SYNC: variants seen among roughly 807,000 people sequenced by gnomAD.
The protein encoded by SYNC is syncoilin, intermediate filament protein, also known as syncoilin.
A neutral mutation model predicts 49.5 loss-of-function variants in SYNC; 38 were observed. That is an observed-to-expected ratio of 0.77 (90% CI 0.59 to 1.01). The LOEUF (loss-of-function observed/expected upper bound fraction) is 1.01. SYNC is among the 50% of genes least tolerant of loss of function. The pLI is 0.00. For synonymous variants in SYNC, 201 were observed against 230.8 expected (o/e 0.87, Z 1.17); for missense variants, 579 against 580.6 (o/e 1.00, Z 0.03).
intron 1 of SYNC, among the ~76,000 whole-genome samples, chr1:32,701,206 C>T (rs1327193595): frequency 1.3e-5 from 2 of 152,260 alleles, no homozygotes; most frequent in East Asian, 1.9e-4. Flanking sequence ...TGAGCCACCG[C>T]GCCGGGCCCA....
intron 4 of SYNC, chr1:32,682,732 C>CT (rs1314611768): frequency 1.3e-5 from 2 of 149,912 alleles, no homozygotes; most frequent in Non-Finnish European, 1.5e-5. Flanking sequence ...GACCGTGCCA[C>CT]TGCACTCCAG....
chr1:32,694,653 CAA>C (rs112953442), intron 2 of SYNC, among the ~76,000 whole-genome samples: 2 of 118,800 alleles, frequency 1.7e-5, no homozygotes, highest in Non-Finnish European at 3.6e-5. Flanking sequence ...GACTCCATCT[CAA>C]AAAAAAAAAA....
At chr1:32,688,691 A>G (rs903113874) in intron 2 of SYNC, among the ~76,000 whole-genome samples, 6 of 150,884 alleles carry the variant, frequency 4.0e-5, no homozygotes, top group African/African-American at 7.3e-5. Flanking sequence ...GGTTCAGGCA[A>G]TTCTGCCTCA....
chr1:32,683,957 T>G lies in SYNC; in HGVS notation c.1438+53A>C, dbSNP rs150688433. 6.8e-4 allele frequency: 1,064 copies of G among 1,563,610 alleles called. 10 individuals carry two copies. The East Asian group carries it at 0.015, about 21-fold the overall frequency. Reference sequence around the variant, plus strand: ...CTGTTTTTAAGGCATTAATTAGTATTGTTAGGAAAGCAGTAACAATGCAAA... The same window carrying G: ...CTGTTTTTAAGGCATTAATTAGTATGGTTAGGAAAGCAGTAACAATGCAAA... On this transcript the variant is annotated intron_variant, in intron 4 of 4. Coordinates refer to ENST00000409190, the MANE Select transcript of SYNC (RefSeq NM_030786.3).
intron 2 of SYNC, among the ~76,000 whole-genome samples, chr1:32,686,603 G>A (rs1353490835): frequency 6.6e-6 from 1 of 152,146 alleles, no homozygotes; most frequent in Non-Finnish European, 1.5e-5. Flanking sequence ...AAGGATATCG[G>A]GAAACTTCAG....
chr1:32,697,160 G>A (rs989082108), intron 1 of SYNC, among the ~76,000 whole-genome samples: 6 of 152,004 alleles, frequency 3.9e-5, no homozygotes, highest in South Asian at 2.1e-4. Context: ...AACCATGGTC[G>A]GCCAGGCGTG....
At chr1:32,686,025 A>T (rs1007475062) in intron 2 of SYNC, 2 of 152,188 alleles carry the variant, frequency 1.3e-5, no homozygotes, top group Non-Finnish European at 2.9e-5. Flanking sequence ...GACTACTAGT[A>T]CCGAAGTCAC....
At chr1:32,684,558 AGT>A in intron 2 of SYNC, 176 bp from the exon 3 acceptor site, 1 of 890,936 alleles carries the variant, frequency 1.1e-6, no homozygotes. Context: ...TTGGAAAAAA[AGT>A]GACAATGCTT....
chr1:32,687,857 T>TATTATTATTATTATTATTATTTC (rs1203070085), intron 2 of SYNC, among the ~76,000 whole-genome samples: 5 of 146,560 alleles, frequency 3.4e-5, no homozygotes, highest in Non-Finnish European at 7.5e-5. Context: ...TTATTATTAT[T>TATTATTATTATTATTATTATTTC]ATTATTTTTT....
In SYNC at chr1:32,694,963, G is replaced by A. The variant is rs1387344565; in HGVS notation, c.1135C>T (p.Gln379Ter). Residue 379 changes from glutamine to a stop codon, truncating the protein, a stop_gained, in exon 2 of 5, where the codon CAA (glutamine) becomes TAA (stop). Transcript: ENST00000409190. LOFTEE classifies it high-confidence loss of function. ...QEMKEALRPL[Q>*]AEARQLRLQN... ...AGGCGGAGCTGCCGGGCCTCTGCTT[G>A]CAGGGGTCTCAGAGCCTCCTTCATT... The A allele has an allele frequency of 1.9e-6, 3 of 1,614,016 alleles. No individual in the cohort carries two copies. Among genetic ancestry groups the A allele is most frequent in the Non-Finnish European group, 1.7e-6 (2 of 1,179,996 alleles).
At chr1:32,697,207 C>T (rs1377309478) in intron 1 of SYNC, among the ~76,000 whole-genome samples, 3 of 151,650 alleles carry the variant, frequency 2.0e-5, no homozygotes, top group East Asian at 1.9e-4. Flanking sequence ...TTTGGGAGGC[C>T]GAATCAGGCG....
intron 2 of SYNC, among the ~76,000 whole-genome samples, chr1:32,688,624 G>A (rs1329139353): frequency 1.3e-5 from 2 of 152,088 alleles, no homozygotes; most frequent in African/African-American, 4.8e-5. Context: ...TTTTTAAGGC[G>A]GAGTCTTTGT....
chr1:32,702,171 T>C lies in SYNC; in HGVS notation c.53+437A>G. 6.6e-6 allele frequency among the ~76,000 whole-genome samples: 1 copy of C among 152,190 alleles called. No homozygotes were observed. Among genetic ancestry groups the C allele is most frequent in the Non-Finnish European group, 1.5e-5 (1 of 68,036 alleles). On this transcript the variant is annotated intron_variant, in intron 1 of 4. Coordinates refer to ENST00000409190, the MANE Select transcript of SYNC (RefSeq NM_030786.3). The surrounding 1 kb of genome is among the most constrained non-coding windows in gnomAD (Gnocchi z 6.2). ...AGGCCAGACGGGAGAGAACAAGCCC[T>C]GACAGACTCTTAACTTCAAGCTGGC...
At chr1:32,690,249 C>T (rs1473596806) in intron 2 of SYNC, among the ~76,000 whole-genome samples, 2 of 152,188 alleles carry the variant, frequency 1.3e-5, no homozygotes, top group African/African-American at 4.8e-5. Context: ...ATAAGATTAT[C>T]TTTGGAAAAC....
intron 2 of SYNC, chr1:32,684,602 T>C (rs1456160483): frequency 3.5e-6 from 2 of 576,634 alleles, no homozygotes; most frequent in Non-Finnish European, 2.9e-6. Context: ...GCATCTTGTC[T>C]GTTAACCACA....
In SYNC at chr1:32,680,734, C is replaced by T; in HGVS notation, c.*1116G>A. 1 of 547,952 alleles carries T rather than the reference C, an allele frequency of 1.8e-6. No individual in the cohort carries two copies. The highest frequency in any genetic ancestry group is 3.2e-6 in the Non-Finnish European group (1 of 310,572). 33.9% of individuals were successfully genotyped at this position (547,952 alleles called of 1,614,324 possible). On this transcript the variant is annotated 3_prime_UTR_variant, in exon 5 of 5. Transcript: ENST00000409190. ...GCTTCTAGAAGAGTCCTTCAGATGA[C>T]AGTTGTTGTCCATGGTCTTTGACTA...
At chr1:32,692,482 C>T (rs1650212284) in intron 2 of SYNC, among the ~76,000 whole-genome samples, 1 of 152,208 alleles carries the variant, frequency 6.6e-6, no homozygotes, top group South Asian at 2.1e-4. Context: ...GGTGTGGTGG[C>T]TTACGCCTGT....
rs1404789194 is a variant in SYNC, at chr1:32,702,136, C to T, written c.53+472G>A. Among the ~76,000 whole-genome samples the T allele has an allele frequency of 2.0e-5, 3 of 152,236 alleles. No homozygotes were observed. The highest frequency in any genetic ancestry group is 4.4e-5 in the Non-Finnish European group (3 of 68,038). ...GGGGAGGGCCCCTGGACCCTTCCCC[C>T]ACCCATCCCAGGCCAGACGGGAGAG... is the stretch of plus-strand genomic sequence containing the variant. On this transcript the variant is annotated intron_variant, in intron 1 of 4. Transcript: ENST00000409190. The surrounding 1 kb of genome is among the most constrained non-coding windows in gnomAD (Gnocchi z 6.2).
Position 32,690,466 on chromosome 1 carries a change from G to A in SYNC, c.1233+4399C>T, listed in dbSNP as rs1398957113. 4.0e-5 allele frequency among the ~76,000 whole-genome samples: 6 copies of A among 151,140 alleles called. No homozygotes were observed. In the Admixed American group the frequency reaches 4.0e-4, roughly 10 times the overall value. ...TGGAGACCAACCTGGCCAAGATGGT[G>A]AAGCCCCATCTCTACTAAAAATACA... On this transcript the variant is annotated intron_variant, in intron 2 of 4. Transcript: ENST00000409190.
Sources: gnomAD v4.1 joint callset for allele counts (sites outside exome capture counted in the v4.1 genomes callset) on GRCh38, gnomAD v4.1.1 for gene constraint, Gnocchi (gnomAD v3.1) non-coding constraint, MANE v1.5 for transcripts, NCBI Gene and HGNC (gene_info 2026-07-23, HGNC 2026-07-21) for gene names.